ITPRID1: variants seen among roughly 807,000 people sequenced by gnomAD.
The protein encoded by ITPRID1 is ITPR interacting domain containing 1, also known as protein ITPRID1.
ITPRID1 carries 96 observed loss-of-function variants against 95.4 expected under a neutral mutation model. The observed-to-expected ratio is 1.01, with a 90% confidence interval of 0.85 to 1.19. The LOEUF (loss-of-function observed/expected upper bound fraction) is 1.19, where lower values mean the gene tolerates loss of function less well. Ranked by LOEUF, ITPRID1 falls within the 50% of genes most tolerant of loss-of-function variation. ITPRID1 has a pLI of 0.00. For synonymous variants in ITPRID1, 510 were observed against 453.6 expected (o/e 1.12, Z -1.58); for missense variants, 1,339 against 1,252.9 (o/e 1.07, Z -1.04).
At position 31,571,200 on chromosome 7, in the gene ITPRID1, G is replaced by A. The variant is rs113655772; in HGVS notation, c.309-902G>A. On this transcript the variant is annotated intron_variant, in intron 6 of 14. Coordinates refer to ENST00000615280, the MANE Select transcript of ITPRID1 (RefSeq NM_001257967.3). Reference sequence around the variant, plus strand: ...CTGCCACCACACCTGGCTAATTTTTGTATTTTTAGTGGAGAGGGGGTTTCA... The same window carrying A: ...CTGCCACCACACCTGGCTAATTTTTATATTTTTAGTGGAGAGGGGGTTTCA... Among the ~76,000 whole-genome samples, 726 of 152,076 alleles carry A rather than the reference G, an allele frequency of 4.8e-3. 4 individuals carry two copies. The highest frequency in any genetic ancestry group is 0.016 in the African/African-American group (650 of 41,486).
chr7:31,602,398 CTT>C (rs35209892), intron 10 of ITPRID1, among the ~76,000 whole-genome samples: 2 of 151,898 alleles, frequency 1.3e-5, no homozygotes, highest in African/African-American at 4.8e-5. Flanking sequence ...TATTTTGTGA[CTT>C]TTTTTTACCA....
intron 1 of ITPRID1, among the ~76,000 whole-genome samples, chr7:31,546,801 C>T (rs914857951): frequency 6.6e-6 from 1 of 151,930 alleles, no homozygotes; most frequent in African/African-American, 2.4e-5. Flanking sequence ...TGTGAAAATA[C>T]CTTAATAGTG....
chr7:31,635,668 A>T lies in ITPRID1; in HGVS notation c.1229-6508A>T, dbSNP rs1225002015. Among the ~76,000 whole-genome samples the T allele has an allele frequency of 2.0e-5, 3 of 152,150 alleles. No homozygotes were observed. The East Asian group carries it at 5.8e-4, about 29-fold the overall frequency. On this transcript the variant is annotated intron_variant, in intron 10 of 14. Coordinates refer to ENST00000615280, the MANE Select transcript of ITPRID1 (RefSeq NM_001257967.3). ...TGGACCAGTGTATTAGGCCGTTCTC[A>T]TGCTGCTATGAAGAAATACCCAAGA...
At chr7:31,550,271 A>ATG (rs1280498917) in intron 2 of ITPRID1, among the ~76,000 whole-genome samples, 1 of 151,030 alleles carries the variant, frequency 6.6e-6, no homozygotes, top group Non-Finnish European at 1.5e-5. Context: ...TTGTATACAC[A>ATG]TGAGGATAAA....
chr7:31,554,590 T>C (rs1403275378), intron 4 of ITPRID1, 67 bp downstream of exon 4: 2 of 1,590,500 alleles, frequency 1.3e-6, no homozygotes, highest in Non-Finnish European at 1.7e-6. Flanking sequence ...ACAATGTGTG[T>C]AACTCTGCCT....
In ITPRID1 at chr7:31,540,435, A is replaced by ATT. The variant is rs570433839; in HGVS notation, c.-97-8989_-97-8988dup. Among the ~76,000 whole-genome samples, 128 of 152,320 alleles carry ATT rather than the reference A, an allele frequency of 8.4e-4. 1 individual carries two copies. The highest frequency in any genetic ancestry group is 2.7e-3 in the African/African-American group (114 of 41,566). Reference sequence around the variant, plus strand: ...TTGTAGCCAGAAAAATTAGAATTTAATTTAAGCTGTAAAAAATAATAAAAA... The same window carrying ATT: ...TTGTAGCCAGAAAAATTAGAATTTAATTTTTAAGCTGTAAAAAATAATAAAAA... On this transcript the variant is annotated intron_variant, in intron 1 of 14. Coordinates refer to ENST00000615280, the MANE Select transcript of ITPRID1 (RefSeq NM_001257967.3).
At position 31,643,958 on chromosome 7, in the gene ITPRID1, G is replaced by A. The variant is rs778620977; in HGVS notation, c.2583+5G>A. On this transcript the variant is annotated splice_donor_5th_base_variant and intron_variant, in intron 12 of 14. Coordinates refer to ENST00000615280, the MANE Select transcript of ITPRID1 (RefSeq NM_001257967.3). The stretch of plus-strand genomic sequence containing the variant: ...ACAGTGAGGGAGCTATGTTCCGTAA[G>A]TGTTCACCCTGGCAAAGATGGAAAG... The A allele has an allele frequency of 2.6e-5, 42 of 1,597,148 alleles. No homozygotes were observed. Among genetic ancestry groups the A allele is most frequent in the Non-Finnish European group, 3.6e-5 (42 of 1,172,130 alleles).
chr7:31,538,296 C>T (rs190512603), intron 1 of ITPRID1, among the ~76,000 whole-genome samples: 3 of 152,084 alleles, frequency 2.0e-5, no homozygotes, highest in East Asian at 1.9e-4. Flanking sequence ...TAGTGTCTTT[C>T]GAGAGTAAAT....
At chr7:31,621,833 C>T (rs1787933597) in intron 10 of ITPRID1, among the ~76,000 whole-genome samples, 1 of 151,460 alleles carries the variant, frequency 6.6e-6, no homozygotes, top group South Asian at 2.1e-4. Context: ...AGAGTCAAGA[C>T]CCATCAGTGT....
At chr7:31,621,038 A>G (rs1366208810) in intron 10 of ITPRID1, among the ~76,000 whole-genome samples, 12 of 151,994 alleles carry the variant, frequency 7.9e-5, no homozygotes, top group South Asian at 4.2e-4. Flanking sequence ...GAAATGAAGC[A>G]AGAAGGGAAG....
chr7:31,536,637 A>T (rs1259113674), intron 1 of ITPRID1, among the ~76,000 whole-genome samples: 1 of 152,164 alleles, frequency 6.6e-6, no homozygotes, highest in African/African-American at 2.4e-5. Flanking sequence ...TTTTCTATCA[A>T]GCCACTTGTA....
chr7:31,569,432 A>C (rs1459864037), intron 5 of ITPRID1, among the ~76,000 whole-genome samples: 1 of 152,186 alleles, frequency 6.6e-6, no homozygotes, highest in Non-Finnish European at 1.5e-5. Context: ...GTGTCTTTTA[A>C]GGGCAATGCC....
At chr7:31,616,330 T>A (rs544740699) in intron 10 of ITPRID1, among the ~76,000 whole-genome samples, 36 of 152,192 alleles carry the variant, frequency 2.4e-4, no homozygotes, top group African/African-American at 8.2e-4. Flanking sequence ...AGTGAATATA[T>A]GCATATTGGG....
chr7:31,620,331 C>T (rs980145821), intron 10 of ITPRID1, among the ~76,000 whole-genome samples: 1 of 151,988 alleles, frequency 6.6e-6, no homozygotes, highest in Non-Finnish European at 1.5e-5. Flanking sequence ...ACCCCTGACC[C>T]CTGAGCAGCC....
At chr7:31,549,322 AG>A in intron 1 of ITPRID1, 103 bp from the exon 2 acceptor site, 2 of 695,354 alleles carry the variant, frequency 2.9e-6, no homozygotes, top group Non-Finnish European at 4.3e-6. Context: ...ATCCAAACTA[AG>A]TAATTTCAAG....
chr7:31,599,733 T>C (rs966906833), intron 10 of ITPRID1, among the ~76,000 whole-genome samples: 1 of 151,064 alleles, frequency 6.6e-6, no homozygotes, highest in Non-Finnish European at 1.5e-5. Flanking sequence ...ATGGAGTCTC[T>C]CTCTGTCGCC....
chr7:31,554,365 T>A, intron 3 of ITPRID1, 110 bp from the exon 4 acceptor site: 1 of 1,452,608 alleles, frequency 6.9e-7, no homozygotes. Flanking sequence ...GAAGGAAACA[T>A]GTGACTAAAT....
Position 31,642,229 on chromosome 7 carries a change from G to A in ITPRID1, c.1282G>A (p.Glu428Lys). 1.9e-6 allele frequency: 3 copies of A among 1,557,996 alleles called. No individual in the cohort carries two copies. Among genetic ancestry groups the A allele is most frequent in the Non-Finnish European group, 2.6e-6 (3 of 1,151,320 alleles). Residue 428 changes from glutamate to lysine, a missense_variant, in exon 11 of 15, where the codon GAG becomes AAG. By Grantham distance (56) the Glu-to-Lys change is moderately conservative. Coordinates refer to ENST00000615280, the MANE Select transcript of ITPRID1 (RefSeq NM_001257967.3). ...SCQSDSSGFLEEPLEPLPLQM... is the reference protein window; with the variant it reads ...SCQSDSSGFLKEPLEPLPLQM... The stretch of plus-strand genomic sequence containing the variant: ...CCAGTCTGACAGCAGCGGGTTCCTG[G>A]AGGAGCCGCTGGAACCGCTGCCCCT...
chr7:31,622,302 AT>A (rs201852654), intron 10 of ITPRID1, among the ~76,000 whole-genome samples: 80,162 of 150,366 alleles, frequency 0.53, 21,791 homozygotes, highest in East Asian at 0.83. Flanking sequence ...CAGAATATAC[AT>A]TTTTTTTTCA....
Sources: allele counts gnomAD v4.1 joint callset (sites outside exome capture counted in the v4.1 genomes callset), GRCh38; gene constraint gnomAD v4.1.1; transcripts MANE v1.5; gene names NCBI Gene and HGNC (gene_info 2026-07-23, HGNC 2026-07-21).